CD200: variants seen among roughly 807,000 people sequenced by gnomAD.
The protein encoded by CD200 is CD200 molecule, also known as OX-2 membrane glycoprotein.
A neutral mutation model predicts 30.9 loss-of-function variants in CD200; 15 were observed. The observed-to-expected ratio is 0.49, with a 90% CI of 0.32 to 0.75. The LOEUF is 0.75. Ranked by LOEUF, CD200 falls within the 30% of genes least tolerant of loss-of-function variation. The pLI is 0.03. For missense variants in CD200, 262 were observed against 324.2 expected (o/e 0.81, Z 1.47); for synonymous variants, 134 against 126.2 (o/e 1.06, Z -0.41).
At chr3:112,341,237 T>A (rs2081232861) in intron 2 of CD200, among the ~76,000 whole-genome samples, 1 of 152,202 alleles carries the variant, frequency 6.6e-6, no homozygotes, top group South Asian at 2.1e-4. Flanking sequence ...ATCCTCTATT[T>A]TAAAATGTCA....
In CD200 at chr3:112,340,904, G is replaced by A; in HGVS notation, c.15G>A (p.Val5=). 5 of 1,597,190 alleles carry A rather than the reference G, an allele frequency of 3.1e-6. No individual in the cohort carries two copies. The highest frequency in any genetic ancestry group is 4.3e-6 in the Non-Finnish European group (5 of 1,165,230). The part of the protein sequence containing the change: MERL[V]IRMPFSHLST... ...TGTACTTTGCTTTCTGTCTTCAGGT[G>A]ATCAGGATGCCCTTCTCTCATCTGT... Residue 5 remains valine, a splice_region_variant and synonymous_variant, in exon 2 of 6, where the codon GTG becomes GTA. Transcript: ENST00000315711.
At chr3:112,341,337 A>G (rs1037810262) in intron 2 of CD200, among the ~76,000 whole-genome samples, 3 of 152,238 alleles carry the variant, frequency 2.0e-5, no homozygotes, top group Non-Finnish European at 4.4e-5. Context: ...TTGGAAAGTA[A>G]TCTGGCAGTA....
intron 1 of CD200, 58 bp from the exon 2 acceptor site, chr3:112,340,844 T>G: frequency 9.2e-7 from 1 of 1,087,000 alleles, no homozygotes. Flanking sequence ...AGATTGAAGC[T>G]TCCTTGGATT....
chr3:112,347,958 G>GA (rs1373081949), intron 4 of CD200, 128 bp downstream of exon 4: 1 of 835,402 alleles, frequency 1.2e-6, no homozygotes, highest in South Asian at 2.0e-5. Context: ...GGCAAATAAG[G>GA]AAAAAACAAA....
In CD200 at chr3:112,345,003, C is replaced by T. The variant is rs2272022; in HGVS notation, c.136C>T (p.Pro46Ser). ...GGATGAAAGAGAGCAGCTGTACACA[C>T]CTGCTTCCTTAAAATGCTCTCTGCA... Reference protein sequence around the residue: ...TQDEREQLYTPASLKCSLQNA... With the variant: ...TQDEREQLYTSASLKCSLQNA... The change falls in exon 3 of 6, where the codon CCT (proline) becomes TCT (serine). Residue 46 changes from proline to serine, a missense_variant. By Grantham distance (74) the Pro-to-Ser change is moderately conservative. Coordinates refer to ENST00000315711, the MANE Select transcript of CD200 (RefSeq NM_005944.7). 2.5e-6 allele frequency: 4 copies of T among 1,613,730 alleles called. No homozygotes were observed. In the African/African-American group the frequency reaches 5.3e-5, roughly 22 times the overall value.
chr3:112,361,375 C>G lies in CD200; in HGVS notation c.803-168C>G, dbSNP rs191377465. ...TTTGTTCTTGTAAAGAGTCATAGTC[C>G]CCTCACACCATACTGGGTCAGAAAT... On this transcript the variant is annotated intron_variant, in intron 5 of 5. Coordinates refer to ENST00000315711, the MANE Select transcript of CD200 (RefSeq NM_005944.7). Among the ~76,000 whole-genome samples the G allele has an allele frequency of 3.6e-4, 55 of 152,194 alleles. 1 individual carries two copies. The highest frequency in any genetic ancestry group is 1.3e-3 in the African/African-American group (55 of 41,536).
intron 5 of CD200, among the ~76,000 whole-genome samples, chr3:112,351,190 G>A (rs1431185725): frequency 6.6e-6 from 1 of 152,164 alleles, no homozygotes; most frequent in African/African-American, 2.4e-5. Flanking sequence ...AGCAGGCTAG[G>A]ACTAAACCCC....
At chr3:112,342,650 T>C (rs2081295030) in intron 2 of CD200, among the ~76,000 whole-genome samples, 2 of 152,014 alleles carry the variant, frequency 1.3e-5, no homozygotes, top group African/African-American at 4.8e-5. Flanking sequence ...CTCAAACTCC[T>C]GACCTCAAGT....
At chr3:112,338,242 G>T (rs576124449) in intron 1 of CD200, among the ~76,000 whole-genome samples, 2 of 152,178 alleles carry the variant, frequency 1.3e-5, no homozygotes, top group African/African-American at 2.4e-5. Context: ...AATGTGTAAA[G>T]TGACTAATTC....
chr3:112,334,753 A>T (rs567944476), intron 1 of CD200, among the ~76,000 whole-genome samples: 19 of 152,068 alleles, frequency 1.2e-4, no homozygotes, highest in African/African-American at 4.6e-4. Context: ...TCGAGGAAAA[A>T]AAAAACCTGT....
intron 2 of CD200, among the ~76,000 whole-genome samples, chr3:112,344,462 C>G: frequency 6.6e-6 from 1 of 152,164 alleles, no homozygotes; most frequent in East Asian, 1.9e-4. Flanking sequence ...CTCTTGCTTC[C>G]TGGAGGCAGA....
chr3:112,346,473 TGAC>T (rs1440331574), intron 3 of CD200, among the ~76,000 whole-genome samples: 1 of 152,206 alleles, frequency 6.6e-6, no homozygotes, highest in Non-Finnish European at 1.5e-5. Flanking sequence ...TCTTCCACAC[TGAC>T]CTTTTCCATC....
chr3:112,351,716 T>C (rs758555401), intron 5 of CD200, among the ~76,000 whole-genome samples: 2 of 151,170 alleles, frequency 1.3e-5, no homozygotes, highest in African/African-American at 2.5e-5. Flanking sequence ...TCCATTTGTG[T>C]TGCTTACAAA....
intron 3 of CD200, among the ~76,000 whole-genome samples, chr3:112,346,150 T>C (rs974808542): frequency 6.6e-6 from 1 of 152,162 alleles, no homozygotes; most frequent in African/African-American, 2.4e-5. Context: ...TTATTTTGCC[T>C]ATAATGAGTC....
intron 5 of CD200, 180 bp downstream of exon 5, chr3:112,349,999 G>T (rs1209186810): frequency 1.0e-6 from 1 of 982,174 alleles, no homozygotes; most frequent in East Asian, 1.1e-4. Flanking sequence ...CTTGCAATTG[G>T]ACATTAAATT....
chr3:112,342,430 T>TTTCTCTCTC (rs1553716264), intron 2 of CD200, among the ~76,000 whole-genome samples: 1 of 61,838 alleles, frequency 1.6e-5, no homozygotes, highest in Non-Finnish European at 3.6e-5. Context: ...TCTTTCTTTC[T>TTTCTCTCTC]TCTCTCTCTT....
intron 2 of CD200, among the ~76,000 whole-genome samples, chr3:112,343,797 T>A (rs2081323216): frequency 6.6e-6 from 1 of 152,214 alleles, no homozygotes; most frequent in African/African-American, 2.4e-5. Context: ...TTTTAGATTG[T>A]TCCTTTTATC....
chr3:112,335,966 C>A (rs769329547), intron 1 of CD200: 1 of 1,611,924 alleles, frequency 6.2e-7, no homozygotes, highest in Admixed American at 1.7e-5. Context: ...CAATTGGGGG[C>A]CCTCTCCTTA....
At chr3:112,334,057 T>C (rs2081058888) in intron 1 of CD200, 1 of 985,316 alleles carries the variant, frequency 1.0e-6, no homozygotes, top group Admixed American at 6.1e-5. Flanking sequence ...TTTCACTGTC[T>C]TTCTTAACAA....
Sources: gnomAD v4.1 joint callset for allele counts (sites outside exome capture counted in the v4.1 genomes callset) on GRCh38, gnomAD v4.1.1 for gene constraint, MANE v1.5 for transcripts, NCBI Gene and HGNC (gene_info 2026-07-23, HGNC 2026-07-21) for gene names.